The following ST6GAL1 variants were observed in gnomAD, a reference collection of about 807,000 sequenced individuals.
The protein encoded by ST6GAL1 is beta-galactoside alpha-2,6-sialyltransferase 1.
ST6GAL1 carries 20 observed loss-of-function variants against 38.0 expected under a neutral mutation model. The observed-to-expected ratio is 0.53, with a 90% confidence interval of 0.37 to 0.77. ST6GAL1 has a LOEUF of 0.77. Among genes scored for constraint, ST6GAL1 ranks in the 30% least tolerant of loss-of-function variants. The pLI is 0.00. For synonymous variants in ST6GAL1, 196 were observed against 188.2 expected (o/e 1.04, Z -0.34); for missense variants, 432 against 496.4 (o/e 0.87, Z 1.23).
intron 2 of ST6GAL1, chr3:187,021,956 T>C (rs1717321998): frequency 6.6e-6 from 1 of 152,110 alleles, no homozygotes; most frequent in Non-Finnish European, 1.5e-5. Flanking sequence ...GCTCTACACA[T>C]CTCTTCATCT....
intron 2 of ST6GAL1, among the ~76,000 whole-genome samples, chr3:187,026,624 C>T (rs1356905390): frequency 6.6e-6 from 1 of 152,192 alleles, no homozygotes; most frequent in East Asian, 1.9e-4. Context: ...GCCAGGATTT[C>T]AATCTAGCTT....
intron 2 of ST6GAL1, among the ~76,000 whole-genome samples, chr3:187,020,313 A>G (rs1487707978): frequency 1.3e-5 from 2 of 151,916 alleles, no homozygotes; most frequent in African/African-American, 4.8e-5. Flanking sequence ...ACAAACAAAC[A>G]AAAAACAAAA....
Position 187,077,729 on chromosome 3 carries a change from T to C in ST6GAL1, c.*1926T>C, listed in dbSNP as rs914232579. 1 of 152,450 alleles carries C rather than the reference T, an allele frequency of 6.6e-6. No individual in the cohort carries two copies. Among genetic ancestry groups the C allele is most frequent in the South Asian group, 2.1e-4 (1 of 4,826 alleles). 9.4% of individuals were successfully genotyped at this position (152,450 alleles called of 1,614,324 possible). A position where few individuals can be genotyped will look rare whatever the true frequency, so the allele number is the denominator to read the frequency against. On this transcript the variant is annotated 3_prime_UTR_variant, in exon 8 of 8. Coordinates refer to ENST00000169298, the MANE Select transcript of ST6GAL1 (RefSeq NM_173216.2). ...GCTCAGTTCATGCTGGTTTCCTTCC[T>C]GCCTTTAGTAGGGACCTGCTCTGTG... is the stretch of plus-strand genomic sequence containing the variant.
At chr3:187,066,758 T>C (rs952133412) in intron 5 of ST6GAL1, among the ~76,000 whole-genome samples, 5 of 152,086 alleles carry the variant, frequency 3.3e-5, no homozygotes, top group Admixed American at 6.6e-5. Flanking sequence ...CTGGCAGATG[T>C]TCCCCAGGGC....
intron 2 of ST6GAL1, among the ~76,000 whole-genome samples, chr3:187,003,119 T>G (rs2108553926): frequency 6.6e-6 from 1 of 152,306 alleles, no homozygotes; most frequent in Admixed American, 6.5e-5. Context: ...AAATGCCAGT[T>G]GGCCTAAGGC....
At chr3:187,031,579 A>G (rs759741290) in intron 2 of ST6GAL1, among the ~76,000 whole-genome samples, 1 of 151,934 alleles carries the variant, frequency 6.6e-6, no homozygotes, top group Non-Finnish European at 1.5e-5. Context: ...AAGATTACAG[A>G]CACACGTCAC....
At chr3:186,999,413 CT>C (rs35693392) in intron 2 of ST6GAL1, among the ~76,000 whole-genome samples, 44,242 of 138,136 alleles carry the variant, frequency 0.32, 6,459 homozygotes, top group South Asian at 0.35. Context: ...ACTATAATCT[CT>C]TTTTTTTTTT....
At position 187,075,676 on chromosome 3, in the gene ST6GAL1, C is replaced by T. The variant is rs1480448619; in HGVS notation, c.1094C>T (p.Thr365Met). 1.1e-5 allele frequency: 17 copies of T among 1,614,110 alleles called. No individual in the cohort carries two copies. Among genetic ancestry groups the T allele is most frequent in the East Asian group, 4.5e-5 (2 of 44,892 alleles). Residue 365 changes from threonine (T) to methionine (M), a missense_variant, in exon 8 of 8, where the codon ACG (threonine) becomes ATG (methionine). Physicochemically the swap from Thr to Met is moderately conservative, Grantham distance 81 (BLOSUM62 -1). Transcript: ENST00000169298. This position sits in a 1 kb window ranked among gnomAD's most constrained non-coding sequence, Gnocchi z 4.1. ...YYQKFFDSAC[T>M]MGAYHPLLYE... Reference sequence around the variant, plus strand: ...CAGAAGTTCTTCGATAGTGCCTGCACGATGGGTGCCTACCACCCGCTGCTC... The same window carrying T: ...CAGAAGTTCTTCGATAGTGCCTGCATGATGGGTGCCTACCACCCGCTGCTC...
At position 186,952,900 on chromosome 3, in the gene ST6GAL1, A is replaced by C. The variant is rs1714630773; in HGVS notation, c.-324-10885A>C. 6.6e-6 allele frequency among the ~76,000 whole-genome samples: 1 copy of C among 152,192 alleles called. No individual in the cohort carries two copies. Among genetic ancestry groups the C allele is most frequent in the African/African-American group, 2.4e-5 (1 of 41,446 alleles). The stretch of plus-strand genomic sequence containing the variant: ...AAGAGCCATCCTCATTTCAGTGGAC[A>C]ACAATTTCATCTTTCCATCTTTTAG... On this transcript the variant is annotated intron_variant, in intron 1 of 7. Coordinates refer to ENST00000169298, the MANE Select transcript of ST6GAL1 (RefSeq NM_173216.2). This position sits in a 1 kb window ranked among gnomAD's most constrained non-coding sequence, Gnocchi z 4.1.
At chr3:187,060,189 G>A (rs890482045) in intron 5 of ST6GAL1, among the ~76,000 whole-genome samples, 8 of 152,060 alleles carry the variant, frequency 5.3e-5, no homozygotes, top group African/African-American at 1.9e-4. Context: ...GGGTAGGGGG[G>A]TTGGCCTGTC....
At chr3:187,006,521 C>G (rs1716792787) in intron 2 of ST6GAL1, 1 of 152,200 alleles carries the variant, frequency 6.6e-6, no homozygotes, top group Admixed American at 6.5e-5. Flanking sequence ...GTGAGAGATT[C>G]ATAGTAATCA....
At chr3:186,996,865 T>A (rs2108549860) in intron 2 of ST6GAL1, among the ~76,000 whole-genome samples, 1 of 151,938 alleles carries the variant, frequency 6.6e-6, no homozygotes, top group East Asian at 1.9e-4. Context: ...TGCCCCTCTC[T>A]GCTTGGGTCC....
intron 5 of ST6GAL1, among the ~76,000 whole-genome samples, chr3:187,062,329 T>G (rs1718945103): frequency 6.6e-6 from 1 of 152,148 alleles, no homozygotes; most frequent in Non-Finnish European, 1.5e-5. Context: ...TCTTATTTAT[T>G]GGCGTATATG....
intron 2 of ST6GAL1, among the ~76,000 whole-genome samples, chr3:186,976,807 T>C (rs1384125302): frequency 1.3e-5 from 2 of 152,370 alleles, no homozygotes; most frequent in Non-Finnish European, 1.5e-5. Flanking sequence ...TCCTAGAGAC[T>C]GAATGGCTTG....
intron 4 of ST6GAL1, among the ~76,000 whole-genome samples, chr3:187,048,600 C>T (rs995484693): frequency 5.9e-5 from 9 of 152,106 alleles, no homozygotes; most frequent in Non-Finnish European, 1.0e-4. Flanking sequence ...GGTTGTTGTC[C>T]GTCTTTACTG....
At chr3:187,021,401 C>G in intron 2 of ST6GAL1, among the ~76,000 whole-genome samples, 1 of 152,184 alleles carries the variant, frequency 6.6e-6, no homozygotes, top group East Asian at 1.9e-4. Context: ...TCACCTGCCC[C>G]AAGGCAAGGT....
intron 4 of ST6GAL1, among the ~76,000 whole-genome samples, chr3:187,048,279 A>G (rs142843772): frequency 4.6e-5 from 7 of 152,192 alleles, no homozygotes; most frequent in Non-Finnish European, 1.0e-4. Flanking sequence ...TCCAAACTTC[A>G]TACCTGGGCC....
At chr3:187,045,128 C>A (rs1718250862) in intron 4 of ST6GAL1, among the ~76,000 whole-genome samples, 1 of 152,160 alleles carries the variant, frequency 6.6e-6, no homozygotes, top group Non-Finnish European at 1.5e-5. Flanking sequence ...GAGTCTCTTC[C>A]CAACTACTGG....
At chr3:186,996,477 T>C (rs1716412426) in intron 2 of ST6GAL1, 1 of 152,256 alleles carries the variant, frequency 6.6e-6, no homozygotes, top group Admixed American at 6.5e-5. Flanking sequence ...AGGAACAGCA[T>C]ACTGTGAGAC....
Sources: gnomAD v4.1 joint callset for allele counts (sites outside exome capture counted in the v4.1 genomes callset) on GRCh38, gnomAD v4.1.1 for gene constraint, Gnocchi (gnomAD v3.1) non-coding constraint, MANE v1.5 for transcripts, NCBI Gene and HGNC (gene_info 2026-07-23, HGNC 2026-07-21) for gene names.